Variants in TENM4 observed in about 807,000 individuals in gnomAD.
The protein encoded by TENM4 is teneurin transmembrane protein 4.
A neutral mutation model predicts 243.3 loss-of-function variants in TENM4; 82 were observed. The observed-to-expected ratio is 0.34, with a 90% CI of 0.28 to 0.40. The LOEUF is 0.40. Ranked by LOEUF, TENM4 falls within the 10% of genes least tolerant of loss-of-function variation. The pLI is 1.00. For missense variants in TENM4, 3,138 were observed against 3,673.3 expected, an observed-to-expected ratio of 0.85 and a Z score of 3.77; for synonymous variants, 1,412 against 1,456.3, an observed-to-expected ratio of 0.97 and a Z score of 0.69.
intron 13 of TENM4, among the ~76,000 whole-genome samples, chr11:78,813,317 C>T (rs1471249731): frequency 2.0e-5 from 3 of 152,208 alleles, no homozygotes; most frequent in Admixed American, 2.0e-4. Flanking sequence ...GTGTCACCCT[C>T]ATTTGGGAAT....
chr11:78,992,965 C>T (rs1858082700), intron 6 of TENM4, among the ~76,000 whole-genome samples: 1 of 152,114 alleles, frequency 6.6e-6, no homozygotes, highest in Non-Finnish European at 1.5e-5. Flanking sequence ...GACCTGGGTT[C>T]CACTGCTTCT....
intron 15 of TENM4, among the ~76,000 whole-genome samples, chr11:78,788,669 A>G (rs1237444531): frequency 6.6e-6 from 1 of 152,272 alleles, no homozygotes; most frequent in African/African-American, 2.4e-5. Context: ...AAGATCAAGC[A>G]ACTCAAGAAA....
chr11:79,042,594 C>T (rs898814216), intron 6 of TENM4, among the ~76,000 whole-genome samples: 2 of 152,192 alleles, frequency 1.3e-5, no homozygotes, highest in African/African-American at 4.8e-5. Flanking sequence ...TCCCAGCCTC[C>T]AGAACTGTGA....
intron 6 of TENM4, among the ~76,000 whole-genome samples, chr11:79,008,971 C>T (rs1420656467): frequency 2.0e-5 from 3 of 152,122 alleles, no homozygotes; most frequent in African/African-American, 7.2e-5. Flanking sequence ...GTAAAAAATG[C>T]CATCTCTTAG....
At chr11:79,245,956 A>G (rs796544846) in intron 2 of TENM4, among the ~76,000 whole-genome samples, 68 of 151,000 alleles carry the variant, frequency 4.5e-4, no homozygotes, top group African/African-American at 1.6e-3. Context: ...AAAAAAAAAA[A>G]AAAAAAGAAA....
chr11:79,218,445 C>A (rs996834727), intron 2 of TENM4, among the ~76,000 whole-genome samples: 16 of 152,114 alleles, frequency 1.1e-4, no homozygotes, highest in Non-Finnish European at 1.3e-4. Context: ...GTGATATGTA[C>A]GTTTTATGCT....
intron 5 of TENM4, among the ~76,000 whole-genome samples, chr11:79,066,607 T>TGCACACACACGTGCGC: frequency 1.3e-5 from 2 of 148,562 alleles, no homozygotes; most frequent in Admixed American, 1.3e-4. Context: ...CACACGCGCG[T>TGCACACACACGTGCGC]GCACACACAC....
intron 12 of TENM4, among the ~76,000 whole-genome samples, chr11:78,840,875 A>G (rs1232548908): frequency 6.6e-6 from 1 of 152,138 alleles, no homozygotes; most frequent in Non-Finnish European, 1.5e-5. Flanking sequence ...CTCTTACTCA[A>G]TGTGTGACTG....
chr11:78,931,690 TAG>T (rs1856672990), intron 6 of TENM4, among the ~76,000 whole-genome samples: 1 of 152,170 alleles, frequency 6.6e-6, no homozygotes, highest in South Asian at 2.1e-4. Flanking sequence ...TGCTATGGGG[TAG>T]AGTCACAGTA....
At chr11:79,023,651 A>G (rs1412034139) in intron 6 of TENM4, among the ~76,000 whole-genome samples, 2 of 152,148 alleles carry the variant, frequency 1.3e-5, no homozygotes, top group South Asian at 2.1e-4. Flanking sequence ...GCTAATGACA[A>G]TTATCTGCTT....
At chr11:79,323,838 A>C (rs546933950) in intron 1 of TENM4, among the ~76,000 whole-genome samples, 1 of 152,180 alleles carries the variant, frequency 6.6e-6, no homozygotes, top group South Asian at 2.1e-4. Context: ...CAATCGTGTG[A>C]GTCAATTCCA....
At chr11:78,893,703 C>A (rs1004964318) in intron 7 of TENM4, among the ~76,000 whole-genome samples, 1 of 151,896 alleles carries the variant, frequency 6.6e-6, no homozygotes, top group Non-Finnish European at 1.5e-5. Flanking sequence ...TAGCTTCTTA[C>A]CCTAACTAAA....
chr11:79,369,138 A>ATT lies in TENM4; in HGVS notation c.-321+71369_-321+71370dup, dbSNP rs547760502. ...CCACATCCTAGCTGAGAATGAAATC[A>ATT]TTTTTTTTTTAACTGGGAACTGTCC... On this transcript the variant is annotated intron_variant, in intron 1 of 33. Coordinates refer to ENST00000278550, the MANE Select transcript of TENM4 (RefSeq NM_001098816.3). Among the ~76,000 whole-genome samples, 330 of 150,206 alleles carry ATT rather than the reference A, an allele frequency of 2.2e-3. 3 individuals are homozygous for ATT. The highest frequency in any genetic ancestry group is 7.5e-3 in the African/African-American group (306 of 40,948).
At chr11:79,150,580 C>T (rs1331873727) in intron 3 of TENM4, among the ~76,000 whole-genome samples, 1 of 152,138 alleles carries the variant, frequency 6.6e-6, no homozygotes, top group Non-Finnish European at 1.5e-5. Context: ...GGCTTTCAGC[C>T]TCTTTCTTTA....
chr11:79,194,160 A>G (rs1863574283), intron 3 of TENM4, among the ~76,000 whole-genome samples: 1 of 151,870 alleles, frequency 6.6e-6, no homozygotes. Context: ...CCACGTTAGA[A>G]GCGCCTTTTG....
intron 18 of TENM4, among the ~76,000 whole-genome samples, chr11:78,762,927 T>C (rs977033668): frequency 1.3e-5 from 2 of 152,166 alleles, no homozygotes; most frequent in Non-Finnish European, 2.9e-5. Flanking sequence ...ATTTTTGGGA[T>C]AGACTAGAAA....
At chr11:79,266,038 A>T (rs1344767035) in intron 2 of TENM4, among the ~76,000 whole-genome samples, 1 of 152,012 alleles carries the variant, frequency 6.6e-6, no homozygotes, top group Non-Finnish European at 1.5e-5. Flanking sequence ...AGTAAGTAGC[A>T]CTCCCACTTG....
intron 7 of TENM4, 26 bp downstream of exon 7, chr11:78,903,242 C>A (rs996467335): frequency 6.7e-6 from 10 of 1,484,618 alleles, no homozygotes; most frequent in African/African-American, 3.0e-5. Flanking sequence ...CCCTCCTCAG[C>A]CTCACCCTCC....
At chr11:79,120,900 G>A (rs978906453) in intron 4 of TENM4, among the ~76,000 whole-genome samples, 1 of 152,150 alleles carries the variant, frequency 6.6e-6, no homozygotes, top group Non-Finnish European at 1.5e-5. Context: ...AAATCTATGA[G>A]ATAGACATTA....
Sources: gnomAD v4.1 joint callset for allele counts (sites outside exome capture counted in the v4.1 genomes callset) on GRCh38, gnomAD v4.1.1 for gene constraint, MANE v1.5 for transcripts, NCBI Gene and HGNC (gene_info 2026-07-23, HGNC 2026-07-21) for gene names.